Variants in JHY observed in about 807,000 individuals in gnomAD.
The protein encoded by JHY is junctional cadherin complex regulator.
A neutral mutation model predicts 78.0 loss-of-function variants in JHY; 69 were observed. The ratio of observed to expected loss-of-function variants is 0.88; its 90% CI spans 0.73 to 1.08. The LOEUF is 1.08. Among genes scored for constraint, JHY ranks in the 50% least tolerant of loss-of-function variants. JHY has a pLI of 0.00. For missense variants in JHY, 944 were observed against 927.8 expected (o/e 1.02, Z -0.23); for synonymous variants, 368 against 342.6 (o/e 1.07, Z -0.82).
In JHY at chr11:122,958,529, CT is replaced by C. The variant is rs1476107463; in HGVS notation, c.2140-715del. ...CATGCACTGAGAAGTCTAGACTTTT[CT>C]TTTCTACATTTTAGAGGGTTTTTTT... On this transcript the variant is annotated intron_variant, in intron 8 of 8. Coordinates refer to ENST00000227349, the MANE Select transcript of JHY (RefSeq NM_024806.4). Among the ~76,000 whole-genome samples the C allele has an allele frequency of 9.8e-5, 14 of 142,270 alleles. No homozygotes were observed. In the East Asian group the frequency reaches 2.6e-3, roughly 26 times the overall value. The allele number at this position is 142,270 out of a possible 152,430, so 93.3% of individuals were successfully genotyped here.
chr11:122,913,573 T>C (rs1053353258), intron 3 of JHY, among the ~76,000 whole-genome samples: 3 of 152,150 alleles, frequency 2.0e-5, no homozygotes, highest in African/African-American at 7.2e-5. Context: ...ACCCGGCATT[T>C]CCTCTAGCCC....
At chr11:122,920,790 C>T (rs1056712295) in intron 3 of JHY, among the ~76,000 whole-genome samples, 40 of 152,202 alleles carry the variant, frequency 2.6e-4, no homozygotes, top group Non-Finnish European at 1.5e-4. Context: ...AGATTGCCTG[C>T]GCTTCAACAA....
intron 5 of JHY, among the ~76,000 whole-genome samples, chr11:122,944,456 C>T (rs1378870201): frequency 6.6e-6 from 1 of 152,126 alleles, no homozygotes; most frequent in East Asian, 1.9e-4. Context: ...TTCCCATTCT[C>T]CTCTAGAACA....
chr11:122,935,308 C>T lies in JHY; in HGVS notation c.1634+233C>T, dbSNP rs1379522753. ...GGAGTGCAGTGGTGCCATCTTGGCT[C>T]ATTGCAACCTCCGCCTCCCGAGCTC... On this transcript the variant is annotated intron_variant, in intron 5 of 8. Transcript: ENST00000227349. The surrounding 1 kb of genome is among the most constrained non-coding windows in gnomAD (Gnocchi z 4.5). Among the ~76,000 whole-genome samples, 1 of 151,776 alleles carries T rather than the reference C, an allele frequency of 6.6e-6. No individual in the cohort carries two copies. The highest frequency in any genetic ancestry group is 1.5e-5 in the Non-Finnish European group (1 of 67,982).
chr11:122,907,235 A>G (rs1370905505), intron 3 of JHY, among the ~76,000 whole-genome samples: 1 of 150,842 alleles, frequency 6.6e-6, no homozygotes, highest in East Asian at 1.9e-4. Flanking sequence ...TCTAGTCAGT[A>G]GCATAAACTG....
At chr11:122,896,516 T>C (rs1862744218) in intron 2 of JHY, among the ~76,000 whole-genome samples, 1 of 152,162 alleles carries the variant, frequency 6.6e-6, no homozygotes, top group Non-Finnish European at 1.5e-5. Flanking sequence ...ATTCCCTAAA[T>C]TGTGGTTTGG....
At chr11:122,915,149 G>A (rs1025829209) in intron 3 of JHY, among the ~76,000 whole-genome samples, 1 of 151,956 alleles carries the variant, frequency 6.6e-6, no homozygotes, top group African/African-American at 2.4e-5. Flanking sequence ...AATGTACCTG[G>A]CATACCTGAT....
intron 3 of JHY, among the ~76,000 whole-genome samples, chr11:122,907,856 AT>A (rs544478371): frequency 5.7e-4 from 79 of 138,342 alleles, no homozygotes; most frequent in Admixed American, 7.9e-4. Context: ...AAAAAAGGTG[AT>A]TTTTTTTTTT....
intron 5 of JHY, among the ~76,000 whole-genome samples, chr11:122,944,355 A>G (rs78212384): frequency 0.032 from 4,869 of 151,926 alleles, 121 homozygotes; most frequent in East Asian, 0.11. Context: ...AATTTTCTTT[A>G]TTTTTCCTTC....
intron 3 of JHY, among the ~76,000 whole-genome samples, chr11:122,909,442 T>A (rs1221878293): frequency 1.3e-5 from 2 of 152,174 alleles, no homozygotes; most frequent in African/African-American, 4.8e-5. Context: ...TGCCTCAGTC[T>A]CCTCATCTTT....
intron 3 of JHY, among the ~76,000 whole-genome samples, chr11:122,913,491 G>A (rs1408660919): frequency 6.6e-6 from 1 of 152,074 alleles, no homozygotes; most frequent in African/African-American, 2.4e-5. Flanking sequence ...TCCTGCTCCT[G>A]TAGCCTCATC....
chr11:122,925,039 G>T (rs1159235486), intron 4 of JHY, 29 bp downstream of exon 4: 2 of 1,498,496 alleles, frequency 1.3e-6, no homozygotes, highest in Non-Finnish European at 1.9e-6. Flanking sequence ...TTTTAAGTGT[G>T]TTTCAAGCGA....
intron 2 of JHY, among the ~76,000 whole-genome samples, chr11:122,902,167 G>A (rs4379859): frequency 0.97 from 147,201 of 151,084 alleles, 71,680 homozygotes; most frequent in Middle Eastern, 1. Context: ...TAAAAAATAT[G>A]GTGTAGTGGC....
chr11:122,893,204 T>C (rs1364871825), intron 2 of JHY, among the ~76,000 whole-genome samples: 1 of 152,244 alleles, frequency 6.6e-6, no homozygotes, highest in African/African-American at 2.4e-5. Flanking sequence ...AGAATAGTTA[T>C]ATCAGAGGAG....
chr11:122,934,348 A>T, intron 4 of JHY, 72 bp from the exon 5 acceptor site: 56 of 720,404 alleles, frequency 7.8e-5, no homozygotes, highest in Non-Finnish European at 9.6e-5. Flanking sequence ...AAATAAATAA[A>T]TAAATAATAA....
intron 2 of JHY, among the ~76,000 whole-genome samples, chr11:122,899,788 T>C (rs1374149284): frequency 6.6e-6 from 1 of 152,168 alleles, no homozygotes; most frequent in East Asian, 1.9e-4. Context: ...ATAAAACAAA[T>C]AGAATTTATC....
chr11:122,942,972 T>G (rs929567617), intron 5 of JHY, among the ~76,000 whole-genome samples: 4 of 152,176 alleles, frequency 2.6e-5, no homozygotes, highest in Non-Finnish European at 4.4e-5. Context: ...ACTCCTGAGC[T>G]CAAGTGATGC....
chr11:122,912,096 G>A lies in JHY; in HGVS notation c.864+7652G>A, dbSNP rs1282054461. Among the ~76,000 whole-genome samples, 8 of 151,772 alleles carry A rather than the reference G, an allele frequency of 5.3e-5. No individual in the cohort carries two copies. In the East Asian group the frequency reaches 1.6e-3, roughly 29 times the overall value. On this transcript the variant is annotated intron_variant, in intron 3 of 8. Coordinates refer to ENST00000227349, the MANE Select transcript of JHY (RefSeq NM_024806.4). ...GAAGTCAGGAGTTGGAGACCAGCCT[G>A]GACAACATGGTGAAACCCCGTCTAT... is the stretch of plus-strand genomic sequence containing the variant.
At chr11:122,948,884 G>GA (rs1472596716) in intron 6 of JHY, among the ~76,000 whole-genome samples, 1 of 152,082 alleles carries the variant, frequency 6.6e-6, no homozygotes, top group Non-Finnish European at 1.5e-5. Flanking sequence ...AGGAGTTTGA[G>GA]ACCACCCTGG....
Sources: gnomAD v4.1 joint callset for allele counts (sites outside exome capture counted in the v4.1 genomes callset) on GRCh38, gnomAD v4.1.1 for gene constraint, Gnocchi (gnomAD v3.1) non-coding constraint, MANE v1.5 for transcripts, NCBI Gene and HGNC (gene_info 2026-07-23, HGNC 2026-07-21) for gene names.